BMAL1: variants seen among roughly 807,000 people sequenced by gnomAD.
BMAL1 encodes the protein basic helix-loop-helix ARNT like 1.
the BMAL1 span, among the ~76,000 whole-genome samples, chr11:13,323,591 C>A: frequency 6.6e-6 from 1 of 152,092 alleles, no homozygotes; most frequent in Admixed American, 6.6e-5. Flanking sequence ...GTTTGCAATT[C>A]TTTTTTTGTT....
At chr11:13,283,129 C>T in the BMAL1 span, among the ~76,000 whole-genome samples, 697 of 152,182 alleles carry the variant, frequency 4.6e-3, 4 homozygotes, top group Non-Finnish European at 6.6e-3. Flanking sequence ...TATGTGCTGT[C>T]CTTTTAAATA....
chr11:13,368,166 A>G, the BMAL1 span, among the ~76,000 whole-genome samples: 1 of 152,258 alleles, frequency 6.6e-6, no homozygotes, highest in Non-Finnish European at 1.5e-5. Context: ...GGCTCTTAGC[A>G]TATAGTCAGA....
the BMAL1 span, chr11:13,372,288 G>T: frequency 6.2e-7 from 1 of 1,614,150 alleles, no homozygotes; most frequent in Non-Finnish European, 8.5e-7. Context: ...CTGCCTCGTC[G>T]CAATTGGACG....
chr11:13,280,564 A>G, the BMAL1 span, among the ~76,000 whole-genome samples: 1 of 152,258 alleles, frequency 6.6e-6, no homozygotes, highest in Non-Finnish European at 1.5e-5. Flanking sequence ...GATTACATGC[A>G]GTGATTTTAG....
chr11:13,328,032 T>G, the BMAL1 span, among the ~76,000 whole-genome samples: 1 of 152,240 alleles, frequency 6.6e-6, no homozygotes, highest in Non-Finnish European at 1.5e-5. Flanking sequence ...TCATTGATAC[T>G]ATGTGCTATT....
the BMAL1 span, among the ~76,000 whole-genome samples, chr11:13,300,855 C>G: frequency 1.3e-5 from 2 of 152,210 alleles, no homozygotes; most frequent in Middle Eastern, 6.8e-3. Context: ...CTGACTTGGT[C>G]CCCAGTACTG....
the BMAL1 span, among the ~76,000 whole-genome samples, chr11:13,300,585 T>C: frequency 6.6e-6 from 1 of 152,214 alleles, no homozygotes; most frequent in Non-Finnish European, 1.5e-5. Context: ...GCAATCTACC[T>C]GTGAAAATCA....
the BMAL1 span, chr11:13,379,336 T>A: frequency 1.3e-5 from 2 of 152,318 alleles, no homozygotes; most frequent in South Asian, 4.1e-4. Flanking sequence ...AAAACACTGC[T>A]GCCGCTGGAT....
the BMAL1 span, chr11:13,378,336 G>C: frequency 2.5e-6 from 4 of 1,605,842 alleles, no homozygotes; most frequent in South Asian, 3.4e-5. Context: ...CTTTGTTGTA[G>C]GTGGCCCAAA....
chr11:13,331,202 T>C, the BMAL1 span, among the ~76,000 whole-genome samples: 1 of 152,308 alleles, frequency 6.6e-6, no homozygotes, highest in African/African-American at 2.4e-5. Context: ...AGCCCATGCA[T>C]AAGCAGACCA....
chr11:13,370,332 A>G, the BMAL1 span, among the ~76,000 whole-genome samples: 6 of 152,120 alleles, frequency 3.9e-5, no homozygotes, highest in Non-Finnish European at 7.3e-5. Context: ...TTAAATGCCA[A>G]CAACTTCCAC....
At chr11:13,294,113 T>G in the BMAL1 span, among the ~76,000 whole-genome samples, 1 of 152,220 alleles carries the variant, frequency 6.6e-6, no homozygotes, top group East Asian at 1.9e-4. Flanking sequence ...ATAATCAGTT[T>G]TATTTCTTTT....
the BMAL1 span, chr11:13,365,601 C>T: frequency 6.2e-7 from 1 of 1,611,038 alleles, no homozygotes. Flanking sequence ...AGGTATTGTT[C>T]ATGCTCCTGT....
At chr11:13,325,913 T>A in the BMAL1 span, among the ~76,000 whole-genome samples, 1 of 151,092 alleles carries the variant, frequency 6.6e-6, no homozygotes, top group Non-Finnish European at 1.5e-5. Flanking sequence ...GGGGAAAGAG[T>A]AGAACAAGGG....
the BMAL1 span, among the ~76,000 whole-genome samples, chr11:13,342,609 G>A: frequency 1.3e-5 from 2 of 152,086 alleles, no homozygotes; most frequent in African/African-American, 2.4e-5. Context: ...CCTAACTATT[G>A]AACCAGCATT....
chr11:13,346,638 C>T, the BMAL1 span, among the ~76,000 whole-genome samples: 1 of 152,218 alleles, frequency 6.6e-6, no homozygotes, highest in Non-Finnish European at 1.5e-5. Context: ...GAGATCCTTT[C>T]CCCATGCTCC....
the BMAL1 span, chr11:13,277,629 C>G: frequency 1.4e-5 from 2 of 145,170 alleles, no homozygotes; most frequent in Admixed American, 6.9e-5. Context: ...CCGCCGGGAC[C>G]GGCTCCCTTC....
At chr11:13,320,059 G>T in the BMAL1 span, among the ~76,000 whole-genome samples, 4 of 152,196 alleles carry the variant, frequency 2.6e-5, no homozygotes, top group African/African-American at 9.7e-5. Flanking sequence ...TAACATTTAG[G>T]CTCATGTTTA....
chr11:13,374,552 C>T, the BMAL1 span, among the ~76,000 whole-genome samples: 231 of 152,318 alleles, frequency 1.5e-3, 1 homozygote, highest in Admixed American at 2.4e-3. Context: ...GCTGTGGCTT[C>T]ATGTGCAGGC....
Sources: gnomAD v4.1 joint callset for allele counts (sites outside exome capture counted in the v4.1 genomes callset) on GRCh38, gnomAD v4.1.1 for gene constraint, MANE v1.5 for transcripts, NCBI Gene and HGNC (gene_info 2026-07-23, HGNC 2026-07-21) for gene names.